Variants in AKR1B15 observed in about 807,000 individuals in gnomAD.
AKR1B15 encodes the protein aldo-keto reductase family 1 member B15.
Under a neutral mutation model 38.5 loss-of-function variants are expected in AKR1B15, and 49 were observed. The observed-to-expected ratio is 1.27, with a 90% CI of 1.01 to 1.62. The LOEUF is 1.62. Among genes scored for constraint, AKR1B15 ranks in the 40% most tolerant of loss-of-function variants. The probability of loss-of-function intolerance (pLI) is 0.00; values close to 1 mark genes in which losing one functional copy is unlikely to be tolerated. For synonymous variants in AKR1B15, 137 were observed against 135.5 expected, an observed-to-expected ratio of 1.01 and a Z score of -0.08; for missense variants, 411 against 381.6, an observed-to-expected ratio of 1.08 and a Z score of -0.64.
chr7:134,567,167 T>C (rs1166510561), intron 3 of AKR1B15, among the ~76,000 whole-genome samples: 2 of 152,144 alleles, frequency 1.3e-5, no homozygotes, highest in Admixed American at 1.3e-4. Flanking sequence ...TGCATCTCTG[T>C]TTTGTGTACT....
At chr7:134,571,401 G>A (rs927238518) in intron 5 of AKR1B15, among the ~76,000 whole-genome samples, 1 of 152,174 alleles carries the variant, frequency 6.6e-6, no homozygotes, top group African/African-American at 2.4e-5. Flanking sequence ...CAATCCAGTA[G>A]TTTCTAAAAA....
intron 11 of AKR1B15, among the ~76,000 whole-genome samples, chr7:134,578,477 G>A (rs1031431471): frequency 2.6e-5 from 4 of 152,164 alleles, no homozygotes; most frequent in African/African-American, 4.8e-5. Context: ...AAAGGAGGTG[G>A]TGCTAACTTT....
At chr7:134,560,202 G>A (rs1009491114) in intron 2 of AKR1B15, among the ~76,000 whole-genome samples, 1 of 152,174 alleles carries the variant, frequency 6.6e-6, no homozygotes, top group African/African-American at 2.4e-5. Context: ...TCCTGGCCTT[G>A]AGACTTGCTT....
At chr7:134,562,824 C>CT (rs1385915340) in intron 2 of AKR1B15, among the ~76,000 whole-genome samples, 1,861 of 147,084 alleles carry the variant, frequency 0.013, 58 homozygotes, top group African/African-American at 0.044. Flanking sequence ...TTCTTCCTTC[C>CT]TTCCTTTCTC....
At chr7:134,574,686 A>C (rs1204366786) in intron 6 of AKR1B15, among the ~76,000 whole-genome samples, 1 of 152,216 alleles carries the variant, frequency 6.6e-6, no homozygotes, top group Non-Finnish European at 1.5e-5. Flanking sequence ...GGCTGCTGCT[A>C]ACATATATGA....
chr7:134,567,270 TG>T (rs1794559471), intron 3 of AKR1B15, among the ~76,000 whole-genome samples: 1 of 152,238 alleles, frequency 6.6e-6, no homozygotes, highest in Non-Finnish European at 1.5e-5. Context: ...ATCATTGGCT[TG>T]GCTAGGTTAG....
chr7:134,567,510 C>T (rs1794565407), intron 3 of AKR1B15, among the ~76,000 whole-genome samples: 1 of 152,040 alleles, frequency 6.6e-6, no homozygotes, highest in Non-Finnish European at 1.5e-5. Flanking sequence ...ACATTCATTA[C>T]AGCATGTCAT....
intron 1 of AKR1B15, among the ~76,000 whole-genome samples, chr7:134,549,841 C>A (rs1793905332): frequency 6.6e-6 from 1 of 152,172 alleles, no homozygotes; most frequent in Non-Finnish European, 1.5e-5. Flanking sequence ...GTCGATACTG[C>A]CCAAAATGAC....
At chr7:134,560,064 GGCAACT>G (rs1794337248) in intron 2 of AKR1B15, among the ~76,000 whole-genome samples, 1 of 151,732 alleles carries the variant, frequency 6.6e-6, no homozygotes, top group Admixed American at 6.6e-5. Flanking sequence ...GCTGAGATTG[GGCAACT>G]GCACTCCAGC....
At chr7:134,562,305 C>G (rs887916235) in intron 2 of AKR1B15, among the ~76,000 whole-genome samples, 1 of 152,206 alleles carries the variant, frequency 6.6e-6, no homozygotes, top group Non-Finnish European at 1.5e-5. Flanking sequence ...CTTCCACATC[C>G]TGTAAGGGTA....
At chr7:134,553,512 A>G (rs1291397157) in intron 1 of AKR1B15, among the ~76,000 whole-genome samples, 1 of 152,220 alleles carries the variant, frequency 6.6e-6, no homozygotes, top group East Asian at 1.9e-4. Context: ...TCTGTGAGCC[A>G]TAGTGGCAAC....
At chr7:134,569,606 G>C in intron 5 of AKR1B15, 77 bp downstream of exon 5, 4 of 1,451,288 alleles carry the variant, frequency 2.8e-6, no homozygotes, top group Non-Finnish European at 2.9e-6. Context: ...AGAGAGACTG[G>C]CTGAAGCCAT....
At chr7:134,573,732 A>C (rs191651423) in intron 6 of AKR1B15, among the ~76,000 whole-genome samples, 1 of 152,334 alleles carries the variant, frequency 6.6e-6, no homozygotes, top group East Asian at 1.9e-4. Flanking sequence ...TTATGATTTC[A>C]TAGCTTCCAA....
At chr7:134,579,475 CA>C (rs1471683114) in intron 11 of AKR1B15, 31 bp from the exon 12 acceptor site, 1 of 1,524,982 alleles carries the variant, frequency 6.6e-7, no homozygotes, top group Non-Finnish European at 8.8e-7. Context: ...TGATGGAACA[CA>C]GTTTCTTTTT....
chr7:134,569,585 G>A, intron 5 of AKR1B15, 56 bp downstream of exon 5: 5 of 1,587,862 alleles, frequency 3.1e-6, no homozygotes, highest in Middle Eastern at 3.3e-4. Context: ...AGGAATTCAG[G>A]GACCCCCAAC....
At chr7:134,549,738 C>G (rs1793901039) in intron 1 of AKR1B15, among the ~76,000 whole-genome samples, 1 of 152,202 alleles carries the variant, frequency 6.6e-6, no homozygotes, top group Admixed American at 6.5e-5. Flanking sequence ...GGACCCCCTC[C>G]CCTTGTCTGT....
chr7:134,550,206 A>G (rs1391600504), intron 1 of AKR1B15, among the ~76,000 whole-genome samples: 6 of 152,066 alleles, frequency 3.9e-5, no homozygotes, highest in Admixed American at 3.9e-4. Flanking sequence ...ACCTACACCC[A>G]TACTGCTCTA....
At chr7:134,556,518 A>G (rs973071313) in intron 1 of AKR1B15, among the ~76,000 whole-genome samples, 4 of 152,096 alleles carry the variant, frequency 2.6e-5, no homozygotes, top group Non-Finnish European at 5.9e-5. Context: ...CTTTCAGGCT[A>G]CTTGTAGTGA....
At chr7:134,561,871 A>G (rs917349093) in intron 2 of AKR1B15, among the ~76,000 whole-genome samples, 1 of 152,188 alleles carries the variant, frequency 6.6e-6, no homozygotes, top group Non-Finnish European at 1.5e-5. Context: ...TGAACCTGCA[A>G]TTGTAACTTT....
Sources: gnomAD v4.1 joint callset for allele counts (sites outside exome capture counted in the v4.1 genomes callset) on GRCh38, gnomAD v4.1.1 for gene constraint, MANE v1.5 for transcripts, NCBI Gene and HGNC (gene_info 2026-07-23, HGNC 2026-07-21) for gene names.